The following LRRC4C variants were observed in gnomAD, a reference collection of about 807,000 sequenced individuals.
LRRC4C encodes leucine-rich repeat-containing protein 4C.
Under a neutral mutation model 33.6 loss-of-function variants are expected in LRRC4C, and 5 were observed. The observed-to-expected ratio is 0.15, with a 90% CI of 0.08 to 0.31. The LOEUF (loss-of-function observed/expected upper bound fraction) is 0.31, where lower values mean the gene tolerates loss of function less well. Among genes scored for constraint, LRRC4C ranks in the 10% least tolerant of loss-of-function variants. The pLI is 1.00. For synonymous variants in LRRC4C, 329 were observed against 302.0 expected (o/e 1.09, Z -0.93); for missense variants, 560 against 796.7 (o/e 0.70, Z 3.58).
chr11:40,759,093 T>C (rs1240128798), intron 2 of LRRC4C, among the ~76,000 whole-genome samples: 1 of 147,300 alleles, frequency 6.8e-6, no homozygotes, highest in Non-Finnish European at 1.5e-5. Flanking sequence ...TATTATTATA[T>C]ATATAATATA....
chr11:40,854,009 A>G (rs1021889860), intron 2 of LRRC4C, among the ~76,000 whole-genome samples: 1 of 151,638 alleles, frequency 6.6e-6, no homozygotes, highest in Admixed American at 6.6e-5. Context: ...CACAATTCAA[A>G]TAAAACTACT....
At chr11:40,519,219 C>T (rs1449046171) in intron 3 of LRRC4C, among the ~76,000 whole-genome samples, 1 of 151,764 alleles carries the variant, frequency 6.6e-6, no homozygotes, top group Non-Finnish European at 1.5e-5. Flanking sequence ...TGCACATGTA[C>T]CCCAGAACTT....
intron 1 of LRRC4C, among the ~76,000 whole-genome samples, chr11:40,993,205 G>A (rs1004415453): frequency 6.6e-6 from 1 of 152,098 alleles, no homozygotes; most frequent in African/African-American, 2.4e-5. Context: ...GGGCTATTGA[G>A]GGAAATACTG....
chr11:41,393,597 A>G (rs1953689635), intron 1 of LRRC4C, among the ~76,000 whole-genome samples: 1 of 152,036 alleles, frequency 6.6e-6, no homozygotes, highest in East Asian at 1.9e-4. Context: ...AAAATGCTAC[A>G]TTTAAAAGCA....
At chr11:40,300,915 C>T (rs925949430) in intron 4 of LRRC4C, among the ~76,000 whole-genome samples, 3 of 152,200 alleles carry the variant, frequency 2.0e-5, no homozygotes, top group African/African-American at 4.8e-5. Context: ...GATTCTCTCA[C>T]GTCAGTCTCC....
At chr11:40,286,737 A>C (rs1046767182) in intron 4 of LRRC4C, among the ~76,000 whole-genome samples, 1 of 152,218 alleles carries the variant, frequency 6.6e-6, no homozygotes, top group Non-Finnish European at 1.5e-5. Flanking sequence ...GCAAAAAATA[A>C]AGTCAATTTT....
At chr11:40,412,998 T>C (rs1366924721) in intron 3 of LRRC4C, among the ~76,000 whole-genome samples, 1 of 152,096 alleles carries the variant, frequency 6.6e-6, no homozygotes, top group Non-Finnish European at 1.5e-5. Context: ...TGCCAATCCA[T>C]TTTTGCATGT....
At chr11:40,546,902 A>C (rs1481381532) in intron 3 of LRRC4C, among the ~76,000 whole-genome samples, 1 of 152,134 alleles carries the variant, frequency 6.6e-6, no homozygotes, top group Non-Finnish European at 1.5e-5. Flanking sequence ...CACAAGCCCA[A>C]GCTCTTTCTC....
chr11:40,926,066 G>GTTT (rs1337516985), intron 2 of LRRC4C, among the ~76,000 whole-genome samples: 1 of 124,110 alleles, frequency 8.1e-6, no homozygotes, highest in Admixed American at 8.4e-5. Flanking sequence ...AAATCTAAGG[G>GTTT]TTTTTTGTTG....
At position 41,078,730 on chromosome 11, in the gene LRRC4C, G is replaced by A. The variant is rs564461966; in HGVS notation, c.-495-145007C>T. On this transcript the variant is annotated intron_variant, in intron 1 of 6. Transcript: ENST00000528697. Reference sequence around the variant, plus strand: ...ACAATTTGAGATGAGATTTGGGTGGGGATACAGAGCCAAACCATATCATCA... The same window carrying A: ...ACAATTTGAGATGAGATTTGGGTGGAGATACAGAGCCAAACCATATCATCA... Among the ~76,000 whole-genome samples the A allele has an allele frequency of 2.6e-5, 4 of 152,166 alleles. No individual in the cohort carries two copies. The South Asian group carries it at 6.2e-4, about 24-fold the overall frequency.
At chr11:41,104,341 T>C (rs1941371944) in intron 1 of LRRC4C, among the ~76,000 whole-genome samples, 1 of 151,818 alleles carries the variant, frequency 6.6e-6, no homozygotes, top group Non-Finnish European at 1.5e-5. Flanking sequence ...ATACAAATGG[T>C]CAGTAAGAAC....
At chr11:40,158,043 GA>G (rs1565067345) in intron 5 of LRRC4C, among the ~76,000 whole-genome samples, 1 of 152,096 alleles carries the variant, frequency 6.6e-6, no homozygotes, top group Non-Finnish European at 1.5e-5. Context: ...AGTGGATAAA[GA>G]AACTGTGGTA....
intron 1 of LRRC4C, among the ~76,000 whole-genome samples, chr11:41,222,392 C>T (rs547655647): frequency 6.6e-6 from 1 of 152,258 alleles, no homozygotes; most frequent in Admixed American, 6.5e-5. Context: ...CATTTGAAAA[C>T]TAAAATGCAG....
chr11:40,920,565 A>T (rs1017543891), intron 2 of LRRC4C, among the ~76,000 whole-genome samples: 21 of 152,136 alleles, frequency 1.4e-4, no homozygotes, highest in Non-Finnish European at 2.9e-5. Flanking sequence ...GAAAGCATAC[A>T]ATCATTTCCC....
At chr11:40,528,439 C>A (rs12574521) in intron 3 of LRRC4C, among the ~76,000 whole-genome samples, 14,341 of 150,688 alleles carry the variant, frequency 0.095, 802 homozygotes, top group Middle Eastern at 0.15. Flanking sequence ...GTAAAAGCTG[C>A]AATGAGATAT....
At chr11:40,169,376 G>A (rs571691289) in intron 5 of LRRC4C, among the ~76,000 whole-genome samples, 1 of 152,092 alleles carries the variant, frequency 6.6e-6, no homozygotes, top group Non-Finnish European at 1.5e-5. Context: ...TTAAAACTCA[G>A]CCCAGGGGTT....
intron 1 of LRRC4C, among the ~76,000 whole-genome samples, chr11:41,079,029 C>A (rs1165294583): frequency 6.6e-6 from 1 of 152,106 alleles, no homozygotes. Flanking sequence ...AATGTTAGGG[C>A]TAATTTGTCT....
intron 3 of LRRC4C, among the ~76,000 whole-genome samples, chr11:40,359,708 T>C (rs1309550909): frequency 6.6e-6 from 1 of 152,200 alleles, no homozygotes; most frequent in African/African-American, 2.4e-5. Flanking sequence ...TCAAGTTCTC[T>C]AACATAGCGC....
At chr11:40,136,568 G>T (rs991053128) in intron 6 of LRRC4C, among the ~76,000 whole-genome samples, 1 of 151,734 alleles carries the variant, frequency 6.6e-6, no homozygotes, top group Admixed American at 6.6e-5. Flanking sequence ...GAGCCACCAC[G>T]CCCGGCCCAT....
Sources: allele counts gnomAD v4.1 joint callset (sites outside exome capture counted in the v4.1 genomes callset), GRCh38; gene constraint gnomAD v4.1.1; transcripts MANE v1.5; gene names NCBI Gene and HGNC (gene_info 2026-07-23, HGNC 2026-07-21).